Variants in GNAI1 observed in about 807,000 individuals in gnomAD.
GNAI1 encodes G protein subunit alpha i1, also known as guanine nucleotide-binding protein G(i) subunit alpha-1.
Under a neutral mutation model 38.9 loss-of-function variants are expected in GNAI1, and 11 were observed. The ratio of observed to expected loss-of-function variants is 0.28; its 90% CI spans 0.18 to 0.47. The LOEUF is 0.47. Ranked by LOEUF, GNAI1 falls within the 20% of genes least tolerant of loss-of-function variation. GNAI1 has a pLI of 0.99. For synonymous variants in GNAI1, 166 were observed against 145.1 expected (o/e 1.14, Z -1.04); for missense variants, 317 against 436.9 (o/e 0.73, Z 2.45).
Position 80,222,237 on chromosome 7 carries a change from T to A in GNAI1, c.*4744T>A, listed in dbSNP as rs374335120. ...GCTGATTAGGCCTCAACTGGAATAGTCCCACCATGTAATAAATCTTCCTGA... is the reference window on the plus strand; with the variant it reads ...GCTGATTAGGCCTCAACTGGAATAGACCCACCATGTAATAAATCTTCCTGA... On this transcript the variant is annotated 3_prime_UTR_variant, in exon 8 of 8. Transcript: ENST00000649796. Among the ~76,000 whole-genome samples the A allele has an allele frequency of 1.3e-5, 2 of 152,134 alleles. No homozygotes were observed. Among genetic ancestry groups the A allele is most frequent in the African/African-American group, 4.8e-5 (2 of 41,416 alleles).
In GNAI1 at chr7:80,224,823, T is replaced by C. The variant is rs868509923; in HGVS notation, c.*7330T>C. Among the ~76,000 whole-genome samples, 13 of 152,218 alleles carry C rather than the reference T, an allele frequency of 8.5e-5. No homozygotes were observed. Among genetic ancestry groups the C allele is most frequent in the Non-Finnish European group, 7.3e-5 (5 of 68,040 alleles). ...GTTCAGATACACAGAATTTAAAAATTACATGTTGAACTGATTTGTGATATA... is the reference window on the plus strand; with the variant it reads ...GTTCAGATACACAGAATTTAAAAATCACATGTTGAACTGATTTGTGATATA... On this transcript the variant is annotated 3_prime_UTR_variant, in exon 8 of 8. Coordinates refer to ENST00000649796, the MANE Select transcript of GNAI1 (RefSeq NM_002069.6).
At chr7:80,164,954 G>A (rs1314970420) in intron 1 of GNAI1, among the ~76,000 whole-genome samples, 2 of 151,382 alleles carry the variant, frequency 1.3e-5, no homozygotes, top group Non-Finnish European at 2.9e-5. Flanking sequence ...TAGAAAATAC[G>A]CCTATGAGAA....
rs149370126 is a variant in GNAI1 at position 80,180,130 on chromosome 7, T to C, written c.119-8821T>C. Among the ~76,000 whole-genome samples, 4 of 152,274 alleles carry C rather than the reference T, an allele frequency of 2.6e-5. No individual in the cohort carries two copies. The East Asian group carries it at 7.7e-4, about 29-fold the overall frequency. On this transcript the variant is annotated intron_variant, in intron 1 of 7. Coordinates refer to ENST00000649796, the MANE Select transcript of GNAI1 (RefSeq NM_002069.6). ...TGCCAGTCCTTAATAGAAAACAGCT[T>C]AGCAAAAACATGAGCGCAATTAGAC... is the stretch of plus-strand genomic sequence containing the variant.
intron 1 of GNAI1, among the ~76,000 whole-genome samples, chr7:80,149,951 A>G (rs562908997): frequency 4.6e-5 from 7 of 152,314 alleles, no homozygotes; most frequent in African/African-American, 1.7e-4. Context: ...TTGAAAACCT[A>G]CATACCCTAA....
At chr7:80,153,094 A>C (rs1455491718) in intron 1 of GNAI1, among the ~76,000 whole-genome samples, 1 of 152,190 alleles carries the variant, frequency 6.6e-6, no homozygotes, top group Admixed American at 6.5e-5. Context: ...AAAGTAACTA[A>C]AATATTAAAT....
At chr7:80,197,783 T>C (rs1171264594) in intron 3 of GNAI1, among the ~76,000 whole-genome samples, 1 of 152,086 alleles carries the variant, frequency 6.6e-6, no homozygotes, top group East Asian at 1.9e-4. Flanking sequence ...TTAATTATTT[T>C]TCATGATGGG....
At chr7:80,136,727 C>G (rs999943662) in intron 1 of GNAI1, among the ~76,000 whole-genome samples, 1 of 152,054 alleles carries the variant, frequency 6.6e-6, no homozygotes, top group Non-Finnish European at 1.5e-5. Flanking sequence ...TTTTTTCTTG[C>G]AGTTTTTGCT....
intron 1 of GNAI1, among the ~76,000 whole-genome samples, chr7:80,159,513 G>A (rs1437483239): frequency 2.0e-5 from 3 of 152,096 alleles, no homozygotes; most frequent in Non-Finnish European, 2.9e-5. Context: ...ATAATTGAAT[G>A]TAATTATGGG....
At chr7:80,200,486 T>C (rs1177025831) in intron 4 of GNAI1, among the ~76,000 whole-genome samples, 1 of 152,190 alleles carries the variant, frequency 6.6e-6, no homozygotes, top group Admixed American at 6.5e-5. Flanking sequence ...GCATTTGTTT[T>C]ACTTTCCAGG....
chr7:80,203,874 AAC>A lies in GNAI1; in HGVS notation c.590+46_590+47del, dbSNP rs569243183. ...TATATGATTTCTAAATTTAGATAAA[AAC>A]ACATTGCTTTAGAAATAAAAAGTGT... On this transcript the variant is annotated intron_variant, in intron 5 of 7. Coordinates refer to ENST00000649796, the MANE Select transcript of GNAI1 (RefSeq NM_002069.6). The A allele has an allele frequency of 9.2e-5, 103 of 1,125,122 alleles. No homozygotes were observed. The African/African-American group carries it at 1.5e-3, about 17-fold the overall frequency. 69.7% of individuals were successfully genotyped at this position (1,125,122 alleles called of 1,614,324 possible).
At chr7:80,137,317 C>CTATTTTTT (rs1787436742) in intron 1 of GNAI1, among the ~76,000 whole-genome samples, 1 of 53,996 alleles carries the variant, frequency 1.9e-5, no homozygotes, top group Non-Finnish European at 3.4e-5. Flanking sequence ...CTTTTCTTTT[C>CTATTTTTT]TTTTTTTTTT....
intron 5 of GNAI1, among the ~76,000 whole-genome samples, chr7:80,205,537 T>C (rs1788759969): frequency 1.3e-5 from 2 of 152,166 alleles, no homozygotes; most frequent in East Asian, 3.8e-4. Flanking sequence ...TTTCTAAATT[T>C]CAACTTTTAA....
chr7:80,135,407 G>A (rs1787391946), intron 1 of GNAI1, 129 bp downstream of exon 1: 1 of 515,398 alleles, frequency 1.9e-6, no homozygotes, highest in Non-Finnish European at 3.2e-6. Flanking sequence ...GCGGGAGCTG[G>A]GTCCGGCGGT....
chr7:80,207,781 T>A (rs1205492376), intron 5 of GNAI1, among the ~76,000 whole-genome samples: 1 of 152,070 alleles, frequency 6.6e-6, no homozygotes, highest in Non-Finnish European at 1.5e-5. Flanking sequence ...TAAAAAATGG[T>A]ATTAACAAAT....
chr7:80,163,025 A>T (rs1787949909), intron 1 of GNAI1, among the ~76,000 whole-genome samples: 1 of 152,158 alleles, frequency 6.6e-6, no homozygotes, highest in African/African-American at 2.4e-5. Flanking sequence ...CCAAGTACTG[A>T]TGATAGATTC....
chr7:80,189,641 A>G (rs28435776), intron 3 of GNAI1, among the ~76,000 whole-genome samples: 20,647 of 152,232 alleles, frequency 0.14, 1,678 homozygotes, highest in South Asian at 0.23. Flanking sequence ...CTGAAAAGCA[A>G]TCTAATCTCG....
chr7:80,214,026 C>A (rs56387878), intron 7 of GNAI1, among the ~76,000 whole-genome samples: 33,523 of 152,004 alleles, frequency 0.22, 4,507 homozygotes, highest in East Asian at 0.32. Flanking sequence ...CTTCCTGAAG[C>A]CAGAGTCCAG....
At position 80,150,585 on chromosome 7, in the gene GNAI1, C is replaced by T. The variant is rs531107647; in HGVS notation, c.118+15307C>T. ...ATCAAATTCAGAGTGCTGGTTACTT[C>T]TGAGGAGGCGGAGAGGGAAGTGGAT... On this transcript the variant is annotated intron_variant, in intron 1 of 7. Transcript: ENST00000649796. 2.6e-5 allele frequency among the ~76,000 whole-genome samples: 4 copies of T among 152,268 alleles called. No homozygotes were observed. The East Asian group carries it at 5.8e-4, about 22-fold the overall frequency.
At chr7:80,217,182 G>C in intron 7 of GNAI1, 121 bp from the exon 8 acceptor site, 1 of 161,304 alleles carries the variant, frequency 6.2e-6, no homozygotes, top group Admixed American at 1.3e-4. Context: ...CACAGTTAAG[G>C]AGTCCATGAA....
Sources: allele counts gnomAD v4.1 joint callset (sites outside exome capture counted in the v4.1 genomes callset), GRCh38; gene constraint gnomAD v4.1.1; transcripts MANE v1.5; gene names NCBI Gene and HGNC (gene_info 2026-07-23, HGNC 2026-07-21).